KLRD1: variants seen among roughly 807,000 people sequenced by gnomAD.
KLRD1 encodes the protein killer cell lectin like receptor D1, also known as natural killer cells antigen CD94.
KLRD1 carries 21 observed loss-of-function variants against 22.6 expected under a neutral mutation model. The observed-to-expected ratio is 0.93, with a 90% confidence interval of 0.66 to 1.34. The LOEUF (loss-of-function observed/expected upper bound fraction) is 1.34. KLRD1 is among the 40% of genes most tolerant of loss of function. The pLI is 0.00. For synonymous variants in KLRD1, 59 were observed against 71.1 expected (o/e 0.83, Z 0.85); for missense variants, 183 against 208.6 (o/e 0.88, Z 0.76).
chr12:10,298,905 C>T (rs1356787232), intron 1 of KLRD1, among the ~76,000 whole-genome samples: 2 of 152,192 alleles, frequency 1.3e-5, no homozygotes, highest in African/African-American at 2.4e-5. Context: ...TTTCCCACTC[C>T]ACAGGCCATA....
chr12:10,284,627 T>C (rs1949682531), intron 1 of KLRD1, among the ~76,000 whole-genome samples: 2 of 152,336 alleles, frequency 1.3e-5, no homozygotes, highest in South Asian at 4.1e-4. Flanking sequence ...TAAACACATA[T>C]ATTTTAAAAT....
In KLRD1 at chr12:10,316,803, A is replaced by T. The variant is rs1171669519; in HGVS notation, c.*2010A>T. 6.6e-6 allele frequency: 1 copy of T among 152,196 alleles called. No individual in the cohort carries two copies. The highest frequency in any genetic ancestry group is 1.5e-5 in the Non-Finnish European group (1 of 68,046). The allele number at this position is 152,196 out of a possible 1,614,324, so 9.4% of individuals were successfully genotyped here. A position where few individuals can be genotyped will look rare whatever the true frequency, so the allele number is the denominator to read the frequency against. On this transcript the variant is annotated 3_prime_UTR_variant, in exon 6 of 6. Transcript: ENST00000336164. Reference sequence around the variant, plus strand: ...TATTTTACTTTAAGTTCTGGGTTACATGTGCAGAACCTGCAGGTTTGTTAC... The same window carrying T: ...TATTTTACTTTAAGTTCTGGGTTACTTGTGCAGAACCTGCAGGTTTGTTAC...
chr12:10,252,502 T>C (rs1480659550), intron 1 of KLRD1, among the ~76,000 whole-genome samples: 1 of 151,952 alleles, frequency 6.6e-6, no homozygotes, highest in Non-Finnish European at 1.5e-5. Flanking sequence ...AGAACTTGTC[T>C]CCAAAAAACA....
chr12:10,262,734 A>G (rs2137632843), intron 1 of KLRD1, among the ~76,000 whole-genome samples: 1 of 152,168 alleles, frequency 6.6e-6, no homozygotes, highest in East Asian at 1.9e-4. Flanking sequence ...AGAGAATACT[A>G]TTATCATTTT....
intron 1 of KLRD1, among the ~76,000 whole-genome samples, chr12:10,264,372 T>A (rs2137634860): frequency 6.6e-6 from 1 of 152,272 alleles, no homozygotes; most frequent in Non-Finnish European, 1.5e-5. Flanking sequence ...ATTTATATTT[T>A]ATTTCATTTA....
upstream of KLRD1, among the ~76,000 whole-genome samples, chr12:10,304,703 CTTAGT>C (rs1949897980): frequency 6.6e-6 from 1 of 152,164 alleles, no homozygotes; most frequent in Non-Finnish European, 1.5e-5. Flanking sequence ...TATGCCCAGC[CTTAGT>C]TTTATTTTTT....
chr12:10,257,169 G>T (rs1478149051), intron 1 of KLRD1, among the ~76,000 whole-genome samples: 3 of 125,952 alleles, frequency 2.4e-5, no homozygotes, highest in African/African-American at 3.1e-5. Context: ...AAGATTTGCT[G>T]CTTGGCTTTG....
chr12:10,244,311 G>A (rs545743320), intron 1 of KLRD1, among the ~76,000 whole-genome samples: 1 of 152,232 alleles, frequency 6.6e-6, no homozygotes, highest in South Asian at 2.1e-4. Context: ...GGGAACTGGA[G>A]AACAGTCATC....
chr12:10,311,897 C>T lies in KLRD1; in HGVS notation c.315+282C>T, dbSNP rs190531541. Among the ~76,000 whole-genome samples the T allele has an allele frequency of 3.3e-5, 5 of 152,150 alleles. No individual in the cohort carries two copies. The East Asian group carries it at 9.6e-4, about 29-fold the overall frequency. Reference sequence around the variant, plus strand: ...AAGATAATAGGTCATTATATTTACCCATTTTATTTGAAGAACCAACTAAAT... The same window carrying T: ...AAGATAATAGGTCATTATATTTACCTATTTTATTTGAAGAACCAACTAAAT... On this transcript the variant is annotated intron_variant, in intron 4 of 5. Coordinates refer to ENST00000336164, the MANE Select transcript of KLRD1 (RefSeq NM_002262.5).
upstream of KLRD1, among the ~76,000 whole-genome samples, chr12:10,306,252 CTGTGTGTGTGTA>C (rs1949926026): frequency 6.6e-6 from 1 of 151,500 alleles, no homozygotes; most frequent in African/African-American, 2.4e-5. Flanking sequence ...TATATGTTTA[CTGTGTGTGTGTA>C]TGTGTGTGTG....
intron 4 of KLRD1, 142 bp downstream of exon 4, chr12:10,311,757 C>CTG: frequency 3.3e-6 from 2 of 603,296 alleles, no homozygotes; most frequent in South Asian, 3.3e-5. Context: ...TTCTGTGTAC[C>CTG]TTAAAGTAGT....
At chr12:10,293,892 A>G (rs570798898) in intron 1 of KLRD1, among the ~76,000 whole-genome samples, 311 of 152,302 alleles carry the variant, frequency 2.0e-3, no homozygotes, top group Non-Finnish European at 3.2e-3. Context: ...TTGTTAATCT[A>G]TATTCATTTG....
chr12:10,289,895 C>T (rs1949750073), intron 1 of KLRD1, among the ~76,000 whole-genome samples: 2 of 152,196 alleles, frequency 1.3e-5, no homozygotes, highest in Non-Finnish European at 1.5e-5. Flanking sequence ...TCTCCTGCCT[C>T]AGCCTCCCGA....
rs372813047 is a variant in KLRD1, at chr12:10,317,678, C to T, written c.*2885C>T. The T allele has an allele frequency of 5.3e-5, 8 of 152,228 alleles. No homozygotes were observed. The South Asian group carries it at 1.0e-3, about 20-fold the overall frequency. 9.4% of individuals were successfully genotyped at this position (152,228 alleles called of 1,614,324 possible). On this transcript the variant is annotated 3_prime_UTR_variant, in exon 6 of 6. Coordinates refer to ENST00000336164, the MANE Select transcript of KLRD1 (RefSeq NM_002262.5). ...CAGCTGTCTTGGTAAATTCTTTTAC[C>T]TCAATGCCACCGGCCCAGGTAGCCG...
At chr12:10,282,258 A>ATT (rs753332995) in intron 1 of KLRD1, among the ~76,000 whole-genome samples, 4 of 143,498 alleles carry the variant, frequency 2.8e-5, no homozygotes, top group Non-Finnish European at 3.1e-5. Flanking sequence ...GTATACATAC[A>ATT]TTTTTTTTTT....
At chr12:10,269,859 A>C (rs1949533245) in intron 1 of KLRD1, among the ~76,000 whole-genome samples, 1 of 152,104 alleles carries the variant, frequency 6.6e-6, no homozygotes, top group Non-Finnish European at 1.5e-5. Flanking sequence ...ATGTTTCATA[A>C]TATTAAGTCA....
At chr12:10,277,441 G>A (rs994699668) in intron 1 of KLRD1, among the ~76,000 whole-genome samples, 2 of 152,110 alleles carry the variant, frequency 1.3e-5, no homozygotes, top group Non-Finnish European at 1.5e-5. Flanking sequence ...TGGATAGGTG[G>A]TGGTGTTTTT....
chr12:10,295,005 G>C (rs757219910), intron 1 of KLRD1, among the ~76,000 whole-genome samples: 5 of 152,182 alleles, frequency 3.3e-5, no homozygotes, highest in Non-Finnish European at 7.3e-5. Context: ...AATGAGGAGA[G>C]CTTTTGAAGA....
intron 1 of KLRD1, among the ~76,000 whole-genome samples, chr12:10,273,497 A>T (rs1949567049): frequency 6.6e-6 from 1 of 152,182 alleles, no homozygotes; most frequent in Admixed American, 6.5e-5. Context: ...GAAAGGACTA[A>T]AGTGTGCATA....
Sources: allele counts gnomAD v4.1 joint callset (sites outside exome capture counted in the v4.1 genomes callset), GRCh38; gene constraint gnomAD v4.1.1; transcripts MANE v1.5; gene names NCBI Gene and HGNC (gene_info 2026-07-23, HGNC 2026-07-21).